Variants in ANO2 observed in about 807,000 individuals in gnomAD.
ANO2 encodes the protein anoctamin-2.
A neutral mutation model predicts 124.2 loss-of-function variants in ANO2; 101 were observed. That is an observed-to-expected ratio of 0.81 (90% CI 0.69 to 0.96). The LOEUF (loss-of-function observed/expected upper bound fraction) is 0.96. ANO2 is among the 40% of genes least tolerant of loss of function. The pLI, the probability that ANO2 is intolerant of heterozygous loss-of-function variation, is 0.00. For synonymous variants in ANO2, 486 were observed against 482.5 expected (o/e 1.01, Z -0.09); for missense variants, 1,293 against 1,274.5 (o/e 1.01, Z -0.22).
At chr12:5,849,188 T>A (rs1954787405) in intron 4 of ANO2, among the ~76,000 whole-genome samples, 1 of 152,200 alleles carries the variant, frequency 6.6e-6, no homozygotes, top group Non-Finnish European at 1.5e-5. Context: ...CTCTGACGAT[T>A]GGACAAAAGG....
chr12:5,819,293 C>T (rs1185699508), intron 7 of ANO2, among the ~76,000 whole-genome samples: 1 of 152,022 alleles, frequency 6.6e-6, no homozygotes, highest in Non-Finnish European at 1.5e-5. Flanking sequence ...AGAAGGTGCA[C>T]TACATTAGAA....
At position 5,769,864 on chromosome 12, in the gene ANO2, C is replaced by A. The variant is rs1330363910; in HGVS notation, c.1056-18894G>T. On this transcript the variant is annotated intron_variant, in intron 10 of 24. Coordinates refer to ENST00000682330, the MANE Select transcript of ANO2 (RefSeq NM_001364791.2). The surrounding 1 kb of genome is among the most constrained non-coding windows in gnomAD (Gnocchi z 4.0). ...CTTTCCCTGGGTATTATACACAGCCCCACCTAAGGGCAGAAAGCGTGGAGA... is the reference window on the plus strand; with the variant it reads ...CTTTCCCTGGGTATTATACACAGCCACACCTAAGGGCAGAAAGCGTGGAGA... 6.6e-6 allele frequency among the ~76,000 whole-genome samples: 1 copy of A among 152,154 alleles called. No homozygotes were observed. Among genetic ancestry groups the A allele is most frequent in the Non-Finnish European group, 1.5e-5 (1 of 68,030 alleles).
Position 5,629,225 on chromosome 12 carries a change from A to G in ANO2, c.1816+5927T>C, listed in dbSNP as rs1945576495. Among the ~76,000 whole-genome samples, 3 of 152,230 alleles carry G rather than the reference A, an allele frequency of 2.0e-5. No individual in the cohort carries two copies. The South Asian group carries it at 6.2e-4, about 31-fold the overall frequency. On this transcript the variant is annotated intron_variant, in intron 16 of 24. Coordinates refer to ENST00000682330, the MANE Select transcript of ANO2 (RefSeq NM_001364791.2). ...TGCAAAGAGTTTTGAAAGAAAAGAC[A>G]AGAAGGAAAAGGAGGCAGCAAGCCA...
At chr12:5,909,636 C>T (rs1940920480) in intron 3 of ANO2, among the ~76,000 whole-genome samples, 1 of 152,248 alleles carries the variant, frequency 6.6e-6, no homozygotes, top group Non-Finnish European at 1.5e-5. Flanking sequence ...GTGCAGTTAG[C>T]TGTGCACACG....
intron 16 of ANO2, among the ~76,000 whole-genome samples, chr12:5,621,118 C>T (rs1271825824): frequency 6.6e-6 from 1 of 152,062 alleles, no homozygotes; most frequent in African/African-American, 2.4e-5. Context: ...CACTCTGCAC[C>T]CTCATGTGAC....
At chr12:5,853,046 CCT>C (rs1234623658) in intron 4 of ANO2, among the ~76,000 whole-genome samples, 1 of 151,984 alleles carries the variant, frequency 6.6e-6, no homozygotes, top group East Asian at 1.9e-4. Flanking sequence ...ACCCCTTTCC[CCT>C]AAAATACCTA....
chr12:5,618,421 A>G (rs1461461423), intron 16 of ANO2, among the ~76,000 whole-genome samples: 2 of 152,138 alleles, frequency 1.3e-5, no homozygotes, highest in East Asian at 3.9e-4. Flanking sequence ...GTGCACTGTC[A>G]TTATCTCACT....
At chr12:5,888,860 G>A (rs1939172669) in intron 3 of ANO2, among the ~76,000 whole-genome samples, 1 of 152,240 alleles carries the variant, frequency 6.6e-6, no homozygotes, top group Non-Finnish European at 1.5e-5. Flanking sequence ...TGGGGCCGCA[G>A]GTGGAGCTGC....
rs190495376 is a variant in ANO2, at chr12:5,707,064, G to A, written c.1545+25456C>T. ...CTGTGTCCCCACCCAAATCTCATTC[G>A]AATTGTAATCCCCACATGTCGAGGG... On this transcript the variant is annotated intron_variant, in intron 14 of 24. Transcript: ENST00000682330. Among the ~76,000 whole-genome samples, 32 of 152,244 alleles carry A rather than the reference G, an allele frequency of 2.1e-4. No homozygotes were observed. In the East Asian group the frequency reaches 5.2e-3, roughly 25 times the overall value.
At chr12:5,574,883 C>T (rs2136835221) in intron 23 of ANO2, among the ~76,000 whole-genome samples, 1 of 152,290 alleles carries the variant, frequency 6.6e-6, no homozygotes, top group African/African-American at 2.4e-5. Context: ...TGTACTTTAT[C>T]CCATCTCTTC....
chr12:5,907,062 T>C (rs954343146), intron 3 of ANO2, among the ~76,000 whole-genome samples: 1 of 152,176 alleles, frequency 6.6e-6, no homozygotes, highest in African/African-American at 2.4e-5. Context: ...TCCGTTTGTT[T>C]CCAATATGTC....
chr12:5,742,079 A>T (rs1399652748), intron 12 of ANO2, among the ~76,000 whole-genome samples: 1 of 152,090 alleles, frequency 6.6e-6, no homozygotes, highest in Non-Finnish European at 1.5e-5. Context: ...GTGAGCCAAC[A>T]GACTTGGGTC....
chr12:5,702,151 G>A (rs1949427871), intron 14 of ANO2, among the ~76,000 whole-genome samples: 1 of 152,102 alleles, frequency 6.6e-6, no homozygotes, highest in African/African-American at 2.4e-5. Flanking sequence ...TCCCTCATAG[G>A]GGAGATTTCA....
chr12:5,565,713 G>T, intron 23 of ANO2, 50 bp from the exon 24 acceptor site: 1 of 1,466,852 alleles, frequency 6.8e-7, no homozygotes, highest in Non-Finnish European at 9.2e-7. Flanking sequence ...TGGAGAAAAG[G>T]GTGGTCATTC....
chr12:5,796,339 C>G (rs1316218128), intron 10 of ANO2, among the ~76,000 whole-genome samples: 1 of 151,434 alleles, frequency 6.6e-6, no homozygotes, highest in Non-Finnish European at 1.5e-5. Context: ...CACACTCATG[C>G]ACGCTCACAC....
At chr12:5,689,721 T>A (rs1322355439) in intron 14 of ANO2, among the ~76,000 whole-genome samples, 2 of 152,144 alleles carry the variant, frequency 1.3e-5, no homozygotes, top group Non-Finnish European at 2.9e-5. Context: ...CAGCACTGGA[T>A]AGGCTTAAGA....
intron 7 of ANO2, among the ~76,000 whole-genome samples, chr12:5,810,882 G>C (rs1421712105): frequency 1.3e-5 from 2 of 152,186 alleles, no homozygotes; most frequent in Admixed American, 6.5e-5. Context: ...ACATCCACAG[G>C]GGCAGGGCCA....
chr12:5,771,969 A>G (rs554083777), intron 10 of ANO2, among the ~76,000 whole-genome samples: 1 of 152,328 alleles, frequency 6.6e-6, no homozygotes, highest in Admixed American at 6.5e-5. Context: ...CATGTCAAAC[A>G]GTGATTAGAG....
chr12:5,761,084 T>C (rs1792364694), intron 10 of ANO2, among the ~76,000 whole-genome samples: 1 of 140,408 alleles, frequency 7.1e-6, no homozygotes, highest in Non-Finnish European at 1.6e-5. Flanking sequence ...AAAAATTCCG[T>C]AGACTGTCCT....
Sources: allele counts gnomAD v4.1 joint callset (sites outside exome capture counted in the v4.1 genomes callset), GRCh38; gene constraint gnomAD v4.1.1; non-coding constraint Gnocchi (gnomAD v3.1); transcripts MANE v1.5; gene names NCBI Gene and HGNC (gene_info 2026-07-23, HGNC 2026-07-21).